ADGRL2: variants seen among roughly 807,000 people sequenced by gnomAD.
ADGRL2 encodes the protein calcium-independent alpha-latrotoxin receptor 2.
In ADGRL2, 44 loss-of-function variants were observed where a neutral mutation model predicts 157.4. That is an observed-to-expected ratio of 0.28 (90% CI 0.22 to 0.36). The LOEUF is 0.36. Among genes scored for constraint, ADGRL2 ranks in the 10% least tolerant of loss-of-function variants. The pLI, the probability that ADGRL2 is intolerant of heterozygous loss-of-function variation, is 1.00. For synonymous variants in ADGRL2, 585 were observed against 624.7 expected (o/e 0.94, Z 0.95); for missense variants, 1,510 against 1,768.9 (o/e 0.85, Z 2.63).
intron 2 of ADGRL2, among the ~76,000 whole-genome samples, chr1:81,497,468 A>C (rs545447850): frequency 4.6e-5 from 7 of 152,086 alleles, no homozygotes; most frequent in African/African-American, 1.4e-4. Context: ...ACAGGGTGGG[A>C]TATATGAGGA....
At chr1:81,366,657 A>T (rs528857097) in intron 1 of ADGRL2, among the ~76,000 whole-genome samples, 1 of 152,318 alleles carries the variant, frequency 6.6e-6, no homozygotes, top group African/African-American at 2.4e-5. Context: ...TTTCACATGT[A>T]AACTGTGAAT....
chr1:81,695,315 A>G (rs1159609153), upstream of ADGRL2, among the ~76,000 whole-genome samples: 1 of 151,928 alleles, frequency 6.6e-6, no homozygotes, highest in African/African-American at 2.4e-5. Context: ...TTTAATAAAT[A>G]ATAATACTTT....
At chr1:81,706,156 G>A (rs1030093450) in intron 1 of ADGRL2, among the ~76,000 whole-genome samples, 17 of 151,664 alleles carry the variant, frequency 1.1e-4, no homozygotes, top group Non-Finnish European at 2.2e-4. Flanking sequence ...TGGGGATCAC[G>A]TCACTGCACT....
intron 2 of ADGRL2, among the ~76,000 whole-genome samples, chr1:81,772,079 G>A (rs570813228): frequency 1.3e-4 from 19 of 151,958 alleles, no homozygotes; most frequent in South Asian, 4.2e-4. Context: ...GCGAAACCCC[G>A]TCTCTACTAA....
chr1:81,661,948 A>G (rs1557546260), intron 3 of ADGRL2, among the ~76,000 whole-genome samples: 1 of 152,132 alleles, frequency 6.6e-6, no homozygotes, highest in Non-Finnish European at 1.5e-5. Flanking sequence ...CTTAATTATG[A>G]TAGAGTACAG....
chr1:81,826,701 G>A (rs955222863), intron 1 of ADGRL2, among the ~76,000 whole-genome samples: 1 of 152,140 alleles, frequency 6.6e-6, no homozygotes, highest in African/African-American at 2.4e-5. Flanking sequence ...CCATTTAAAT[G>A]TGTGGCAAAT....
chr1:81,397,611 G>T (rs1227345324), intron 1 of ADGRL2, among the ~76,000 whole-genome samples: 2 of 151,850 alleles, frequency 1.3e-5, no homozygotes, highest in Non-Finnish European at 2.9e-5. Context: ...GAGCCACTGC[G>T]CCCAGCCCTT....
intron 2 of ADGRL2, among the ~76,000 whole-genome samples, chr1:81,572,840 C>A (rs1352372037): frequency 6.6e-6 from 1 of 150,768 alleles, no homozygotes; most frequent in Non-Finnish European, 1.5e-5. Flanking sequence ...ACTCAGAGGG[C>A]AAATATGATT....
chr1:81,851,764 A>G (rs3046332), intron 2 of ADGRL2, among the ~76,000 whole-genome samples: 31 of 70,180 alleles, frequency 4.4e-4, no homozygotes, highest in South Asian at 4.0e-3. Flanking sequence ...GTGTGTGTGT[A>G]TGTGTATGTA....
At chr1:81,308,339 G>A (rs1417816578) in intron 1 of ADGRL2, among the ~76,000 whole-genome samples, 1 of 152,040 alleles carries the variant, frequency 6.6e-6, no homozygotes. Context: ...GAAAGAAAAG[G>A]ATTTGTCACT....
chr1:81,722,070 A>T, intron 1 of ADGRL2: 4 of 387,492 alleles, frequency 1.0e-5, no homozygotes, highest in South Asian at 8.4e-5. Flanking sequence ...AGGCGGGCGG[A>T]TCACGAGGTC....
chr1:81,792,356 G>A lies in ADGRL2; in HGVS notation c.-101+30504G>A, dbSNP rs529810451. On this transcript the variant is annotated intron_variant, in intron 2 of 20. Coordinates refer to the ADGRL2 transcript ENST00000359929. Reference sequence around the variant, plus strand: ...CGGAACACATCAGCAGCAACACCAAGTCACACTGGTGATGTCAAGGACAAT... The same window carrying A: ...CGGAACACATCAGCAGCAACACCAAATCACACTGGTGATGTCAAGGACAAT... 3.3e-5 allele frequency among the ~76,000 whole-genome samples: 5 copies of A among 152,250 alleles called. No homozygotes were observed. In the South Asian group the frequency reaches 1.0e-3, roughly 32 times the overall value.
At chr1:81,460,925 T>C (rs1010197700) in intron 2 of ADGRL2, among the ~76,000 whole-genome samples, 1 of 152,168 alleles carries the variant, frequency 6.6e-6, no homozygotes, top group Non-Finnish European at 1.5e-5. Flanking sequence ...TTTATATTTG[T>C]TTAAAGGAAA....
At position 81,968,310 on chromosome 1, in the gene ADGRL2, G is replaced by A. The variant is rs911515767; in HGVS notation, c.2523+111G>A. On this transcript the variant is annotated intron_variant, in intron 14 of 23. Coordinates refer to ENST00000686636, the MANE Select transcript of ADGRL2 (RefSeq NM_001366006.2). ...TTACCGTAACTAAAAAGCAAACAAA[G>A]TAATGTTGATTTCTAATTGTTTCTA... 12 of 895,626 alleles carry A rather than the reference G, an allele frequency of 1.3e-5. No homozygotes were observed. The Admixed American group carries it at 1.5e-4, about 11-fold the overall frequency. 55.5% of individuals were successfully genotyped at this position (895,626 alleles called of 1,614,324 possible).
In ADGRL2 at chr1:81,986,946, A is replaced by G. The variant is rs1343219457; in HGVS notation, c.3554A>G (p.His1185Arg). The G allele has an allele frequency of 1.2e-6, 2 of 1,611,062 alleles. No homozygotes were observed. Among genetic ancestry groups the G allele is most frequent in the Admixed American group, 1.7e-5 (1 of 59,800 alleles). Reference protein sequence around the residue: ...YLLTNPLLRPHGTNNPYNTLL... With the variant: ...YLLTNPLLRPRGTNNPYNTLL... ...CTAACAAACCCTCTTCTTCGACCCC[A>G]CGGCACTAACAACCCCTATAACACA... Residue 1185 changes from histidine (H) to arginine (R), a missense_variant, in exon 22 of 24, where the codon CAC becomes CGC. Around this residue, in one of 4 missense-constraint regions of ADGRL2, gnomAD observed 497 missense variants for 627.2 expected, o/e 0.79. Coordinates refer to ENST00000686636, the MANE Select transcript of ADGRL2 (RefSeq NM_001366006.2).
intron 1 of ADGRL2, among the ~76,000 whole-genome samples, chr1:81,760,540 G>A (rs954834032): frequency 2.6e-5 from 4 of 151,666 alleles, no homozygotes; most frequent in Admixed American, 6.6e-5. Context: ...TTTGACCTTG[G>A]TCTGCCTAAA....
chr1:81,692,261 G>T (rs1045206209), intron 3 of ADGRL2, among the ~76,000 whole-genome samples: 6 of 151,758 alleles, frequency 4.0e-5, no homozygotes, highest in African/African-American at 1.5e-4. Context: ...ACAAAAATTA[G>T]CTGCACTCCA....
At chr1:81,666,262 C>T (rs979778155) in intron 3 of ADGRL2, among the ~76,000 whole-genome samples, 5 of 152,136 alleles carry the variant, frequency 3.3e-5, no homozygotes, top group Non-Finnish European at 5.9e-5. Flanking sequence ...AGATGCAGTA[C>T]CATAAACAGA....
At chr1:81,938,931 G>A (rs1274410342) in intron 4 of ADGRL2, among the ~76,000 whole-genome samples, 2 of 151,126 alleles carry the variant, frequency 1.3e-5, no homozygotes, top group Admixed American at 1.3e-4. Flanking sequence ...CCTTGATTTA[G>A]TAGTGTTTTT....
Sources: gnomAD v4.1 joint callset for allele counts (sites outside exome capture counted in the v4.1 genomes callset) on GRCh38, gnomAD v4.1.1 for gene constraint, gnomAD v4.1.1 regional missense constraint, MANE v1.5 for transcripts, NCBI Gene and HGNC (gene_info 2026-07-23, HGNC 2026-07-21) for gene names.